The following GALNTL6 variants were observed in gnomAD, a reference collection of about 807,000 sequenced individuals.
GALNTL6 encodes the protein polypeptide N-acetylgalactosaminyltransferase-like 6.
GALNTL6 carries 46 observed loss-of-function variants against 73.7 expected under a neutral mutation model. The ratio of observed to expected loss-of-function variants is 0.62; its 90% confidence interval spans 0.49 to 0.80. The LOEUF (loss-of-function observed/expected upper bound fraction) is 0.80, where lower values mean the gene tolerates loss of function less well. Ranked by LOEUF, GALNTL6 falls within the 30% of genes least tolerant of loss-of-function variation. The pLI is 0.00. For missense variants in GALNTL6, 604 were observed against 755.0 expected (o/e 0.80, Z 2.34); for synonymous variants, 259 against 263.7 (o/e 0.98, Z 0.17).
chr4:172,912,365 CTTG>C (rs1747254932), intron 8 of GALNTL6, among the ~76,000 whole-genome samples: 2 of 152,178 alleles, frequency 1.3e-5, no homozygotes, highest in African/African-American at 4.8e-5. Flanking sequence ...CTCACTGGGA[CTTG>C]TTGGACAGTG....
intron 7 of GALNTL6, among the ~76,000 whole-genome samples, chr4:172,821,724 G>C (rs1395332893): frequency 6.6e-6 from 1 of 152,138 alleles, no homozygotes; most frequent in African/African-American, 2.4e-5. Flanking sequence ...CAGAAGGTGA[G>C]AATAAAGGAG....
intron 9 of GALNTL6, among the ~76,000 whole-genome samples, chr4:172,938,706 C>T (rs1414836842): frequency 2.0e-5 from 3 of 152,190 alleles, no homozygotes; most frequent in South Asian, 2.1e-4. Context: ...CTCTCCTGCT[C>T]TTAAAACTGC....
At chr4:172,604,026 G>A (rs374187497) in intron 5 of GALNTL6, among the ~76,000 whole-genome samples, 6 of 152,172 alleles carry the variant, frequency 3.9e-5, no homozygotes, top group South Asian at 2.1e-4. Context: ...GTATAAGTGC[G>A]TTATTAGTAC....
At chr4:172,182,553 C>CAAAA (rs34354883) in intron 2 of GALNTL6, among the ~76,000 whole-genome samples, 8 of 127,458 alleles carry the variant, frequency 6.3e-5, no homozygotes, top group African/African-American at 2.3e-4. Context: ...TGAAAAATAC[C>CAAAA]AAAAAAAAAA....
intron 2 of GALNTL6, among the ~76,000 whole-genome samples, chr4:171,834,440 A>C (rs1354887767): frequency 6.6e-6 from 1 of 151,980 alleles, no homozygotes; most frequent in Non-Finnish European, 1.5e-5. Flanking sequence ...CTTTTTGGAA[A>C]TATCACACTG....
intron 5 of GALNTL6, among the ~76,000 whole-genome samples, chr4:172,543,360 T>A (rs1282341244): frequency 6.6e-6 from 1 of 152,238 alleles, no homozygotes; most frequent in East Asian, 1.9e-4. Context: ...ATCCAAAAGC[T>A]AAGTAAACTT....
intron 5 of GALNTL6, among the ~76,000 whole-genome samples, chr4:172,691,752 A>G (rs940479850): frequency 6.6e-6 from 1 of 152,230 alleles, no homozygotes; most frequent in Non-Finnish European, 1.5e-5. Context: ...TACACTTACC[A>G]TAGCTGCAAG....
chr4:172,573,256 T>C (rs1560815268), intron 5 of GALNTL6, among the ~76,000 whole-genome samples: 4 of 152,188 alleles, frequency 2.6e-5, no homozygotes, highest in Non-Finnish European at 5.9e-5. Context: ...TTGTTGACAA[T>C]GTACTGGTGA....
chr4:172,077,681 A>T (rs1348856487), intron 2 of GALNTL6, among the ~76,000 whole-genome samples: 2 of 152,224 alleles, frequency 1.3e-5, no homozygotes, highest in Admixed American at 1.3e-4. Context: ...GGAAAAATTG[A>T]ACCTAGCCAT....
intron 5 of GALNTL6, among the ~76,000 whole-genome samples, chr4:172,614,046 G>A (rs985851827): frequency 1.3e-5 from 2 of 152,004 alleles, no homozygotes; most frequent in East Asian, 1.9e-4. Context: ...TCTCTTCTAA[G>A]ATCACTGAAT....
chr4:172,381,148 ATTTG>A (rs1743269457), intron 5 of GALNTL6, among the ~76,000 whole-genome samples: 1 of 152,174 alleles, frequency 6.6e-6, no homozygotes, highest in Non-Finnish European at 1.5e-5. Context: ...ACTTTTTATT[ATTTG>A]TTATTTTCTG....
At chr4:172,920,698 A>G (rs1459153) in intron 8 of GALNTL6, among the ~76,000 whole-genome samples, 33,371 of 152,088 alleles carry the variant, frequency 0.22, 4,363 homozygotes, top group African/African-American at 0.37. Context: ...TGAAATTTAC[A>G]TTTGAATGTA....
chr4:172,601,975 C>T (rs1019469445), intron 5 of GALNTL6, among the ~76,000 whole-genome samples: 2 of 151,992 alleles, frequency 1.3e-5, no homozygotes, highest in Non-Finnish European at 2.9e-5. Context: ...CACTCTGGGG[C>T]TGGGGGACAC....
At chr4:172,030,573 G>C (rs894279858) in intron 2 of GALNTL6, among the ~76,000 whole-genome samples, 2 of 151,740 alleles carry the variant, frequency 1.3e-5, no homozygotes, top group Non-Finnish European at 2.9e-5. Flanking sequence ...AGCCAGGTGT[G>C]GTGGTGCACA....
chr4:171,844,867 GT>G (rs1439318873), intron 2 of GALNTL6, among the ~76,000 whole-genome samples: 1 of 152,136 alleles, frequency 6.6e-6, no homozygotes, highest in Non-Finnish European at 1.5e-5. Context: ...GGAGATGCTT[GT>G]TTCCAGCTGA....
At chr4:172,445,498 G>A (rs1476609974) in intron 5 of GALNTL6, among the ~76,000 whole-genome samples, 3 of 152,090 alleles carry the variant, frequency 2.0e-5, no homozygotes, top group Middle Eastern at 3.4e-3. Flanking sequence ...AGACATACAC[G>A]CACACATGCA....
intron 5 of GALNTL6, among the ~76,000 whole-genome samples, chr4:172,356,098 T>A (rs190986602): frequency 6.6e-6 from 1 of 152,330 alleles, no homozygotes; most frequent in Non-Finnish European, 1.5e-5. Flanking sequence ...AAGGAGACAC[T>A]GCTTTTAGAA....
chr4:172,869,891 G>T (rs1399640458), intron 7 of GALNTL6, among the ~76,000 whole-genome samples: 2 of 152,162 alleles, frequency 1.3e-5, no homozygotes, highest in South Asian at 2.1e-4. Flanking sequence ...CTTAGGCTCT[G>T]GAAAGACTCA....
intron 3 of GALNTL6, among the ~76,000 whole-genome samples, chr4:172,281,052 C>T (rs1462891020): frequency 1.3e-5 from 2 of 151,788 alleles, no homozygotes; most frequent in Admixed American, 1.3e-4. Flanking sequence ...GCCTGTAGTC[C>T]CTGCTACTTA....
Sources: gnomAD v4.1 joint callset for allele counts (sites outside exome capture counted in the v4.1 genomes callset) on GRCh38, gnomAD v4.1.1 for gene constraint, MANE v1.5 for transcripts, NCBI Gene and HGNC (gene_info 2026-07-23, HGNC 2026-07-21) for gene names.